The following RUNX1T1 variants were observed in gnomAD, a reference collection of about 807,000 sequenced individuals.
RUNX1T1 encodes protein CBFA2T1.
A neutral mutation model predicts 62.8 loss-of-function variants in RUNX1T1; 4 were observed. The ratio of observed to expected loss-of-function variants is 0.06; its 90% CI spans 0.03 to 0.15. The LOEUF (loss-of-function observed/expected upper bound fraction) is 0.15. Among genes scored for constraint, RUNX1T1 ranks in the 10% least tolerant of loss-of-function variants. The probability of loss-of-function intolerance (pLI) is 1.00; values close to 1 mark genes in which losing one functional copy is unlikely to be tolerated. For synonymous variants in RUNX1T1, 291 were observed against 286.0 expected (o/e 1.02, Z -0.18); for missense variants, 508 against 754.3 (o/e 0.67, Z 3.82).
chr8:91,967,329 C>T (rs1811854254), intron 10 of RUNX1T1, among the ~76,000 whole-genome samples: 2 of 152,120 alleles, frequency 1.3e-5, no homozygotes, highest in African/African-American at 2.4e-5. Context: ...AGCAGTCTTT[C>T]TTACTCCAAA....
intron 2 of RUNX1T1, among the ~76,000 whole-genome samples, chr8:92,074,366 G>A (rs1224392888): frequency 6.6e-6 from 1 of 152,190 alleles, no homozygotes; most frequent in African/African-American, 2.4e-5. Context: ...TGGAATGCGA[G>A]TGGGTAAAGA....
chr8:91,967,372 G>A (rs1040865767), intron 10 of RUNX1T1, among the ~76,000 whole-genome samples: 2 of 151,522 alleles, frequency 1.3e-5, no homozygotes, highest in African/African-American at 4.9e-5. Context: ...AATTTTACAC[G>A]CCCCCCTCCC....
At chr8:92,085,848 C>T (rs888234896) in intron 1 of RUNX1T1, among the ~76,000 whole-genome samples, 5 of 152,072 alleles carry the variant, frequency 3.3e-5, no homozygotes, top group African/African-American at 7.2e-5. Flanking sequence ...TAAGGATTGA[C>T]GGCTCTTTAA....
intron 9 of RUNX1T1, among the ~76,000 whole-genome samples, chr8:91,972,967 T>C (rs569867066): frequency 9.9e-5 from 15 of 152,146 alleles, no homozygotes; most frequent in African/African-American, 3.4e-4. Flanking sequence ...CTTTAAAAAA[T>C]ACTACTTTTA....
chr8:91,958,581 T>C (rs1240562216), downstream of RUNX1T1: 1 of 185,918 alleles, frequency 5.4e-6, no homozygotes, highest in Non-Finnish European at 1.1e-5. Context: ...TGTCCTTTTT[T>C]TTTAAAGTAG....
chr8:92,041,240 T>C (rs1828393909), intron 1 of RUNX1T1, among the ~76,000 whole-genome samples: 1 of 152,082 alleles, frequency 6.6e-6, no homozygotes, highest in Non-Finnish European at 1.5e-5. Flanking sequence ...GGGGCATGCA[T>C]GATTTCACGG....
intron 1 of RUNX1T1, among the ~76,000 whole-genome samples, chr8:92,080,698 A>C (rs1050305512): frequency 6.6e-6 from 1 of 152,240 alleles, no homozygotes; most frequent in Non-Finnish European, 1.5e-5. Context: ...TTATTCAACA[A>C]TGCCCATACC....
At chr8:92,046,752 A>G (rs1829473435) in intron 1 of RUNX1T1, among the ~76,000 whole-genome samples, 2 of 152,194 alleles carry the variant, frequency 1.3e-5, no homozygotes, top group African/African-American at 4.8e-5. Flanking sequence ...TGAGTTTAAA[A>G]GCACTAAAAC....
At chr8:91,987,798 T>C (rs1816878919) in intron 6 of RUNX1T1, among the ~76,000 whole-genome samples, 1 of 152,170 alleles carries the variant, frequency 6.6e-6, no homozygotes, top group Non-Finnish European at 1.5e-5. Context: ...CAGAGAAATC[T>C]GGAAACGTGT....
At chr8:91,989,088 T>A (rs957447740) in intron 6 of RUNX1T1, among the ~76,000 whole-genome samples, 1 of 152,148 alleles carries the variant, frequency 6.6e-6, no homozygotes, top group African/African-American at 2.4e-5. Flanking sequence ...TTGACACTAA[T>A]GTTGAGTCTC....
chr8:91,986,167 G>C, exon 8 of RUNX1T1: 2 of 1,614,152 alleles, frequency 1.2e-6, no homozygotes, highest in Non-Finnish European at 1.7e-6. Context: ...GCTGCCTAGA[G>C]TGGCTGCTGC....
intron 5 of RUNX1T1, among the ~76,000 whole-genome samples, 168 bp from the exon 7 acceptor site, chr8:91,992,057 G>A (rs915136104): frequency 2.6e-5 from 4 of 152,070 alleles, no homozygotes; most frequent in Admixed American, 1.3e-4. Context: ...GACCTGTGTC[G>A]AGACCTAAAT....
intron 1 of RUNX1T1, among the ~76,000 whole-genome samples, chr8:92,024,843 T>A (rs1224652429): frequency 2.0e-5 from 3 of 152,188 alleles, no homozygotes; most frequent in African/African-American, 7.2e-5. Context: ...ATACTCTTCC[T>A]TAGTGATTTC....
intron 1 of RUNX1T1, among the ~76,000 whole-genome samples, chr8:92,085,727 T>C (rs368307127): frequency 1.3e-5 from 2 of 152,176 alleles, no homozygotes; most frequent in Admixed American, 6.5e-5. Flanking sequence ...GACCTTGAAA[T>C]AATATTATCT....
At chr8:92,041,808 T>C (rs1332456860) in intron 1 of RUNX1T1, among the ~76,000 whole-genome samples, 1 of 150,434 alleles carries the variant, frequency 6.6e-6, no homozygotes, top group East Asian at 1.9e-4. Context: ...AGCTAAAAAA[T>C]GAAGGGGTGG....
At chr8:92,065,329 C>G (rs535497172), upstream of RUNX1T1, among the ~76,000 whole-genome samples, 15 of 152,182 alleles carry the variant, frequency 9.9e-5, no homozygotes, top group African/African-American at 3.6e-4. Context: ...TTCTCCAGTA[C>G]AAAACACTGT....
intron 8 of RUNX1T1, among the ~76,000 whole-genome samples, chr8:91,982,571 G>A (rs1815569958): frequency 6.6e-6 from 1 of 152,138 alleles, no homozygotes; most frequent in Admixed American, 6.5e-5. Context: ...TGTCAATTCT[G>A]ATCACATTAT....
chr8:91,970,018 C>CTGTGTG (rs1554595112), intron 10 of RUNX1T1, among the ~76,000 whole-genome samples: 28 of 142,534 alleles, frequency 2.0e-4, no homozygotes, highest in African/African-American at 3.7e-4. Flanking sequence ...TTTAGGCTAG[C>CTGTGTG]TGTGTGTGTG....
chr8:92,102,035 G>A (rs1838060598), upstream of RUNX1T1, among the ~76,000 whole-genome samples: 1 of 152,238 alleles, frequency 6.6e-6, no homozygotes, highest in African/African-American at 2.4e-5. This position sits in a 1 kb window ranked among gnomAD's most constrained non-coding sequence, Gnocchi z 4.5. Context: ...AGGGCACAAG[G>A]TTGTGCTCCC....
Sources: gnomAD v4.1 joint callset for allele counts (sites outside exome capture counted in the v4.1 genomes callset) on GRCh38, gnomAD v4.1.1 for gene constraint, Gnocchi (gnomAD v3.1) non-coding constraint, MANE v1.5 for transcripts, NCBI Gene and HGNC (gene_info 2026-07-23, HGNC 2026-07-21) for gene names.